The following ARHGAP39 variants were observed in gnomAD, a reference collection of about 807,000 sequenced individuals.
The protein encoded by ARHGAP39 is rho GTPase-activating protein 39.
ARHGAP39 carries 44 observed loss-of-function variants against 106.9 expected under a neutral mutation model. The ratio of observed to expected loss-of-function variants is 0.41; its 90% confidence interval spans 0.32 to 0.53. The LOEUF (loss-of-function observed/expected upper bound fraction) is 0.53, where lower values mean the gene tolerates loss of function less well. Among genes scored for constraint, ARHGAP39 ranks in the 20% least tolerant of loss-of-function variants. ARHGAP39 has a pLI of 0.21. For missense variants in ARHGAP39, 1,496 were observed against 1,577.3 expected, an observed-to-expected ratio of 0.95 and a Z score of 0.87; for synonymous variants, 768 against 693.2, an observed-to-expected ratio of 1.11 and a Z score of -1.69.
In ARHGAP39 at chr8:144,670,405, C is replaced by T. The variant is rs1822072756; in HGVS notation, c.-82+15281G>A. Among the ~76,000 whole-genome samples, 1 of 152,206 alleles carries T rather than the reference C, an allele frequency of 6.6e-6. No homozygotes were observed. The highest frequency in any genetic ancestry group is 1.5e-5 in the Non-Finnish European group (1 of 68,034). ...CGAGCCTCTGAATCCCACACCTCTG[C>T]CATCTCCCCTCAGCCTCAGCCCCAC... On this transcript the variant is annotated intron_variant, in intron 1 of 11. Coordinates refer to ENST00000377307, the MANE Select transcript of ARHGAP39 (RefSeq NM_025251.3). This position sits in a 1 kb window ranked among gnomAD's most constrained non-coding sequence, Gnocchi z 4.4.
chr8:144,562,825 C>G (rs561343050), intron 3 of ARHGAP39, among the ~76,000 whole-genome samples: 4 of 151,370 alleles, frequency 2.6e-5, no homozygotes, highest in Admixed American at 6.6e-5. Context: ...GTTTCCATCA[C>G]ACTCCAGTGG....
chr8:144,627,453 G>A (rs1043094689), intron 1 of ARHGAP39, among the ~76,000 whole-genome samples: 1 of 151,726 alleles, frequency 6.6e-6, no homozygotes, highest in Admixed American at 6.6e-5. Context: ...TACTCAGGAG[G>A]CTGAGGCAGG....
At chr8:144,654,928 C>T (rs1821659306) in intron 1 of ARHGAP39, among the ~76,000 whole-genome samples, 1 of 152,060 alleles carries the variant, frequency 6.6e-6, no homozygotes, top group African/African-American at 2.4e-5. Flanking sequence ...AGGCAGGAGC[C>T]CCACCCCAAT....
At chr8:144,690,206 A>G (rs1822714345), upstream of ARHGAP39, among the ~76,000 whole-genome samples, 1 of 150,342 alleles carries the variant, frequency 6.7e-6, no homozygotes, top group Non-Finnish European at 1.5e-5. Context: ...CCAGTAGCTA[A>G]GATTCAAGCG....
chr8:144,537,449 C>A (rs1817003692), intron 7 of ARHGAP39, among the ~76,000 whole-genome samples: 1 of 152,144 alleles, frequency 6.6e-6, no homozygotes, highest in Non-Finnish European at 1.5e-5. Flanking sequence ...CCTCAGCCGG[C>A]AAGTTATCAT....
At chr8:144,540,463 T>C (rs1269808777) in intron 6 of ARHGAP39, among the ~76,000 whole-genome samples, 1 of 152,208 alleles carries the variant, frequency 6.6e-6, no homozygotes, top group Admixed American at 6.5e-5. Flanking sequence ...CAACTGCAAA[T>C]GATTATTTTA....
upstream of ARHGAP39, among the ~76,000 whole-genome samples, chr8:144,688,389 G>GCCA (rs1292158842): frequency 1.2e-4 from 18 of 152,148 alleles, no homozygotes; most frequent in Non-Finnish European, 2.2e-4. Context: ...ACAGGCGTGA[G>GCCA]CCACCACACC....
chr8:144,595,410 G>A (rs768292926), intron 2 of ARHGAP39, among the ~76,000 whole-genome samples: 8 of 152,194 alleles, frequency 5.3e-5, no homozygotes, highest in Non-Finnish European at 1.0e-4. Context: ...CGCCGTGCCC[G>A]AGGCTGGGGA....
intron 1 of ARHGAP39, among the ~76,000 whole-genome samples, chr8:144,651,028 C>T (rs1426628201): frequency 1.3e-5 from 2 of 152,142 alleles, no homozygotes; most frequent in Non-Finnish European, 2.9e-5. Context: ...GCTCTTTCAT[C>T]AAATGAAGCT....
At chr8:144,699,864 G>C in the ARHGAP39 span, among the ~76,000 whole-genome samples, 1 of 152,178 alleles carries the variant, frequency 6.6e-6, no homozygotes, top group Non-Finnish European at 1.5e-5. Context: ...CCCCCAGCCT[G>C]TCCAGGGCCG....
chr8:144,637,760 G>A (rs2130984968), intron 1 of ARHGAP39, among the ~76,000 whole-genome samples: 1 of 151,938 alleles, frequency 6.6e-6, no homozygotes, highest in East Asian at 1.9e-4. Flanking sequence ...GAGTGCAGTG[G>A]CACCATCATG....
chr8:144,616,861 T>C (rs757766799), intron 1 of ARHGAP39, among the ~76,000 whole-genome samples: 1 of 152,230 alleles, frequency 6.6e-6, no homozygotes, highest in Non-Finnish European at 1.5e-5. Context: ...CTCACTACCA[T>C]ATATGCCCAA....
At chr8:144,554,054 C>A (rs181329542) in intron 4 of ARHGAP39, among the ~76,000 whole-genome samples, 7 of 152,362 alleles carry the variant, frequency 4.6e-5, no homozygotes, top group Admixed American at 4.6e-4. Context: ...CAGGCTGAAT[C>A]GTCAGCCAGG....
At chr8:144,594,088 C>CAAAAA (rs149748913) in intron 2 of ARHGAP39, among the ~76,000 whole-genome samples, 4 of 56,902 alleles carry the variant, frequency 7.0e-5, no homozygotes, top group African/African-American at 1.2e-4. Flanking sequence ...GACTCCGTCT[C>CAAAAA]AAAAAAAAAA....
At chr8:144,656,926 T>C (rs948292373) in intron 1 of ARHGAP39, among the ~76,000 whole-genome samples, 1 of 151,994 alleles carries the variant, frequency 6.6e-6, no homozygotes, top group Non-Finnish European at 1.5e-5. Context: ...ATAAATTCCT[T>C]GAACAACACA....
chr8:144,575,834 C>T (rs1427196952), intron 3 of ARHGAP39, among the ~76,000 whole-genome samples: 2 of 152,224 alleles, frequency 1.3e-5, no homozygotes, highest in East Asian at 1.9e-4. Flanking sequence ...GGTCTGTCTA[C>T]GCCAGCATCA....
chr8:144,554,494 G>C (rs1817840590), intron 4 of ARHGAP39, among the ~76,000 whole-genome samples: 1 of 152,140 alleles, frequency 6.6e-6, no homozygotes, highest in African/African-American at 2.4e-5. Context: ...GGCAGTGCTT[G>C]GCAAACAAAG....
chr8:144,597,408 C>T (rs1479370233), intron 2 of ARHGAP39, among the ~76,000 whole-genome samples: 1 of 152,204 alleles, frequency 6.6e-6, no homozygotes, highest in Non-Finnish European at 1.5e-5. Flanking sequence ...GCGGAGGCAT[C>T]TTTGAATCAA....
At position 144,684,342 on chromosome 8, in the gene ARHGAP39, G is replaced by C. The variant is rs182262045; in HGVS notation, c.-82+1344C>G. Among the ~76,000 whole-genome samples the C allele has an allele frequency of 6.4e-3, 982 of 152,358 alleles. 12 individuals are homozygous for C. Among genetic ancestry groups the C allele is most frequent in the African/African-American group, 0.022 (914 of 41,578 alleles). ...ATCGCACCTTGCTCCTTGTGGATCG[G>C]GCGCCGCCGACGGAACCACCTGCTG... On this transcript the variant is annotated intron_variant, in intron 1 of 11. Transcript: ENST00000377307. The surrounding 1 kb of genome is among the most constrained non-coding windows in gnomAD (Gnocchi z 4.4).
Sources: allele counts gnomAD v4.1 joint callset (sites outside exome capture counted in the v4.1 genomes callset), GRCh38; gene constraint gnomAD v4.1.1; non-coding constraint Gnocchi (gnomAD v3.1); transcripts MANE v1.5; gene names NCBI Gene and HGNC (gene_info 2026-07-23, HGNC 2026-07-21).